SLC52A1: variants seen among roughly 807,000 people sequenced by gnomAD.
SLC52A1 encodes solute carrier family 52 member 1, also known as solute carrier family 52, riboflavin transporter, member 1.
In SLC52A1, 20 loss-of-function variants were observed where a neutral mutation model predicts 23.2. That is an observed-to-expected ratio of 0.86 (90% CI 0.61 to 1.25). SLC52A1 has a LOEUF of 1.25. Among genes scored for constraint, SLC52A1 ranks in the 50% most tolerant of loss-of-function variants. SLC52A1 has a pLI of 0.00. For missense variants in SLC52A1, 528 were observed against 557.0 expected (o/e 0.95, Z 0.52); for synonymous variants, 260 against 256.6 (o/e 1.01, Z -0.13).
upstream of SLC52A1, among the ~76,000 whole-genome samples, chr17:5,040,411 C>G (rs1975529359): frequency 6.6e-6 from 1 of 152,050 alleles, no homozygotes; most frequent in South Asian, 2.1e-4. Context: ...TGGGCTCAAG[C>G]AATCCTACCA....
At position 5,033,173 on chromosome 17, in the gene SLC52A1, C is replaced by T. The variant is rs373082688; in HGVS notation, c.1135-4G>A. The T allele has an allele frequency of 8.1e-6, 13 of 1,613,676 alleles. No individual in the cohort carries two copies. Among genetic ancestry groups the T allele is most frequent in the East Asian group, 2.2e-5 (1 of 44,878 alleles). ...GACACAGCACCCACGACAGCACCTGCAAGGGAGGACACAGCAGCAGGCTGA... is the reference window on the plus strand; with the variant it reads ...GACACAGCACCCACGACAGCACCTGTAAGGGAGGACACAGCAGCAGGCTGA... On this transcript the variant is annotated splice_region_variant and splice_polypyrimidine_tract_variant and intron_variant, in intron 4 of 4. Coordinates refer to ENST00000254853, the MANE Select transcript of SLC52A1 (RefSeq NM_017986.4).
At chr17:5,035,612 T>C (rs974015182), upstream of SLC52A1, among the ~76,000 whole-genome samples, 2 of 152,210 alleles carry the variant, frequency 1.3e-5, no homozygotes, top group Non-Finnish European at 2.9e-5. Flanking sequence ...GCTGGCGGTC[T>C]GCCTGAGAGG....
In SLC52A1 at chr17:5,034,186, G is replaced by A. The variant is rs371340617; in HGVS notation, c.303C>T (p.His101=). 59 of 1,614,176 alleles carry A rather than the reference G, an allele frequency of 3.7e-5. No individual in the cohort carries two copies. The highest frequency in any genetic ancestry group is 1.6e-4 in the Middle Eastern group (1 of 6,062). ...GTALLAPLWH[H]VAPVAGQLHS... ...GGAGCTGCCCTGCCACTGGGGCCAC[G>A]TGGTGCCACAGAGGGGCCAGCAGGG... The change falls in exon 3 of 5, where the codon CAC becomes CAT. Residue 101 remains histidine, a synonymous_variant. Coordinates refer to ENST00000254853, the MANE Select transcript of SLC52A1 (RefSeq NM_017986.4).
In SLC52A1 at chr17:5,032,926, G is replaced by T. The variant is rs1403622160; in HGVS notation, c.*31C>A. The T allele has an allele frequency of 3.2e-6, 5 of 1,584,602 alleles. No homozygotes were observed. The highest frequency in any genetic ancestry group is 4.3e-6 in the Non-Finnish European group (5 of 1,155,260). On this transcript the variant is annotated 3_prime_UTR_variant, in exon 5 of 5. Transcript: ENST00000254853. ...TGGCAGCCTCACGATGAAGACAGGT[G>T]GGGTGGAGTTGGGTCCCCACCTGCC...
intron 1 of SLC52A1, among the ~76,000 whole-genome samples, chr17:5,042,237 C>A (rs919931441): frequency 1.3e-5 from 2 of 152,174 alleles, no homozygotes; most frequent in African/African-American, 4.8e-5. Flanking sequence ...CACTTGAAGG[C>A]CCTTCATTCA....
At chr17:5,039,712 T>C (rs1261559214), upstream of SLC52A1, among the ~76,000 whole-genome samples, 4 of 152,142 alleles carry the variant, frequency 2.6e-5, no homozygotes, top group Non-Finnish European at 1.5e-5. Context: ...CCTCAGGTGA[T>C]CCGCCCGCCT....
At chr17:5,035,764 G>A (rs928201882), upstream of SLC52A1, among the ~76,000 whole-genome samples, 9 of 150,320 alleles carry the variant, frequency 6.0e-5, no homozygotes, top group African/African-American at 2.2e-4. Flanking sequence ...GCGCGATCGC[G>A]GCTCACTACA....
upstream of SLC52A1, among the ~76,000 whole-genome samples, chr17:5,037,019 A>T (rs2143447194): frequency 6.6e-6 from 1 of 152,114 alleles, no homozygotes; most frequent in South Asian, 2.1e-4. Flanking sequence ...AAAAAAAATC[A>T]ATATCTGTAG....
chr17:5,033,292 A>T lies in SLC52A1; in HGVS notation c.1103T>A (p.Leu368Gln). 6.4e-7 allele frequency: 1 copy of T among 1,561,842 alleles called. No individual in the cohort carries two copies. The highest frequency in any genetic ancestry group is 8.7e-7 in the Non-Finnish European group (1 of 1,148,732). ...GACCACCCCTGCAGTGGTGCCCACC[A>T]GGGGTGGGCAGGGGCTCAGGATTGC... The part of the protein sequence containing the change: ...ALAILSPCPP[L>Q]VGTTAGVVLV... The change falls in exon 4 of 5, where the codon CTG becomes CAG. Residue 368 changes from leucine to glutamine, a missense_variant. By Grantham distance (113) the Leu-to-Gln change is moderately radical. Transcript: ENST00000254853.
rs756249960 is a variant in SLC52A1 at position 5,033,825 on chromosome 17, G to A, written c.664C>T (p.Pro222Ser). 12 of 1,614,154 alleles carry A rather than the reference G, an allele frequency of 7.4e-6. No homozygotes were observed. The highest frequency in any genetic ancestry group is 5.5e-5 in the South Asian group (5 of 91,094). Residue 222 changes from proline to serine, a missense_variant, in exon 3 of 5, where the codon CCC (proline) becomes TCC (serine). Coordinates refer to ENST00000254853, the MANE Select transcript of SLC52A1 (RefSeq NM_017986.4). ...RGLLLLLPSL[P>S]SVTTGGSGPE... ...CCTGAGCCCCCTGTGGTTACAGAGG[G>A]TAGTGATGGCAACAGCAACAGGAGA... is the stretch of plus-strand genomic sequence containing the variant.
chr17:5,040,435 A>G (rs1975529594), intron 1 of SLC52A1, among the ~76,000 whole-genome samples: 1 of 152,050 alleles, frequency 6.6e-6, no homozygotes, highest in Non-Finnish European at 1.5e-5. Context: ...CAGCCTCCCA[A>G]AGTGTTGGGA....
intron 1 of SLC52A1, 33 bp from the exon 2 acceptor site, chr17:5,034,746 G>T: frequency 8.4e-7 from 1 of 1,192,378 alleles, no homozygotes; most frequent in Non-Finnish European, 1.2e-6. Flanking sequence ...GCAGGTAATA[G>T]GCTGGTGGGA....
At chr17:5,038,735 C>T (rs559116902), upstream of SLC52A1, among the ~76,000 whole-genome samples, 116 of 152,038 alleles carry the variant, frequency 7.6e-4, no homozygotes, top group African/African-American at 1.6e-3. Context: ...TACAGGCGCC[C>T]ACCACCACAC....
In SLC52A1 at chr17:5,034,973, T is replaced by C. The variant is rs1207675101; in HGVS notation, c.-220A>G. 4.2e-6 allele frequency: 1 copy of C among 238,610 alleles called. No homozygotes were observed. Among genetic ancestry groups the C allele is most frequent in the African/African-American group, 2.2e-5 (1 of 45,524 alleles). 14.8% of individuals were successfully genotyped at this position (238,610 alleles called of 1,614,324 possible). A position where few individuals can be genotyped will look rare whatever the true frequency, so the allele number is the denominator to read the frequency against. ...CCCAGAGGAGCAAAGAGGGAGCTGA[T>C]TTTCCTACCCACAGAGGACCCGGGG... is the stretch of plus-strand genomic sequence containing the variant. On this transcript the variant is annotated 5_prime_UTR_variant, in exon 1 of 5. Coordinates refer to ENST00000254853, the MANE Select transcript of SLC52A1 (RefSeq NM_017986.4).
Position 5,033,252 on chromosome 17 carries a change from C to G in SLC52A1, c.1134+9G>C. 1 of 1,613,690 alleles carries G rather than the reference C, an allele frequency of 6.2e-7. No individual in the cohort carries two copies. The highest frequency in any genetic ancestry group is 1.1e-5 in the South Asian group (1 of 91,076). The stretch of plus-strand genomic sequence containing the variant: ...CCCTCCTCCCCACTTCATGTCTCCA[C>G]TTGCTCACCACAAGGACCACCCCTG... On this transcript the variant is annotated intron_variant, in intron 4 of 4. Transcript: ENST00000254853.
rs1975539991 is a variant in SLC52A1 at position 5,041,094 on chromosome 17, CTGT to C, written c.-107-6384_-107-6382del. Among the ~76,000 whole-genome samples the C allele has an allele frequency of 2.0e-5, 3 of 151,300 alleles. No individual in the cohort carries two copies. In the South Asian group the frequency reaches 6.3e-4, roughly 32 times the overall value. On this transcript the variant is annotated intron_variant, in intron 1 of 3. Coordinates refer to the SLC52A1 transcript ENST00000512825. Reference sequence around the variant, plus strand: ...ACAGGCGTGAGCCACCGTGCCCGGCCTGTTGTTATTTTTGAGACAGGGTCTCTG... The same window carrying C: ...ACAGGCGTGAGCCACCGTGCCCGGCCTGTTATTTTTGAGACAGGGTCTCTG...
In SLC52A1 at chr17:5,033,117, G is replaced by T. The variant is rs2143425497; in HGVS notation, c.1187C>A (p.Ala396Glu). 1.2e-6 allele frequency: 2 copies of T among 1,613,788 alleles called. No homozygotes were observed. Among genetic ancestry groups the T allele is most frequent in the Non-Finnish European group, 1.7e-6 (2 of 1,180,024 alleles). Reference protein sequence around the residue: ...LCVFSYVKVAASSLLHGGGRP... With the variant: ...LCVFSYVKVAESSLLHGGGRP... ...ACCCCCACCATGCAGCAGGGAGCTT[G>T]CAGCCACCTTCACATATGAGAACAC... The change falls in exon 5 of 5, where the codon GCA (alanine) becomes GAA (glutamate). Residue 396 changes from alanine to glutamate, a missense_variant. Ala to Glu is a moderately radical substitution (Grantham distance 107, BLOSUM62 -1). Transcript: ENST00000254853.
At chr17:5,034,422 G>C in intron 2 of SLC52A1, 55 bp downstream of exon 2, 1 of 1,609,172 alleles carries the variant, frequency 6.2e-7, no homozygotes, top group Non-Finnish European at 8.5e-7. Flanking sequence ...GCTGCCACAG[G>C]CCACCTTTCT....
intron 1 of SLC52A1, among the ~76,000 whole-genome samples, chr17:5,040,577 T>C (rs1975530822): frequency 6.6e-6 from 1 of 152,148 alleles, no homozygotes; most frequent in Non-Finnish European, 1.5e-5. Flanking sequence ...CCCTGAATTT[T>C]CAGAAAAGAG....
Sources: gnomAD v4.1 joint callset for allele counts (sites outside exome capture counted in the v4.1 genomes callset) on GRCh38, gnomAD v4.1.1 for gene constraint, MANE v1.5 for transcripts, NCBI Gene and HGNC (gene_info 2026-07-23, HGNC 2026-07-21) for gene names.